Variants in RFC3 observed in about 807,000 individuals in gnomAD.
RFC3 encodes replication factor C subunit 3.
Under a neutral mutation model 45.1 loss-of-function variants are expected in RFC3, and 41 were observed. That is an observed-to-expected ratio of 0.91 (90% CI 0.71 to 1.18). The LOEUF is 1.18. Ranked by LOEUF, RFC3 falls within the 50% of genes most tolerant of loss-of-function variation. RFC3 has a pLI of 0.00. For missense variants in RFC3, 423 were observed against 428.1 expected (o/e 0.99, Z 0.10); for synonymous variants, 149 against 144.0 (o/e 1.03, Z -0.25).
chr13:33,858,615 C>T (rs1419363987), intron 8 of RFC3, among the ~76,000 whole-genome samples: 1 of 152,180 alleles, frequency 6.6e-6, no homozygotes, highest in Non-Finnish European at 1.5e-5. Flanking sequence ...ACCTGATACA[C>T]TTTTACTTAT....
intron 4 of RFC3, among the ~76,000 whole-genome samples, chr13:33,829,078 C>CTGTT: frequency 6.6e-6 from 1 of 152,170 alleles, no homozygotes; most frequent in Middle Eastern, 3.4e-3. Flanking sequence ...TTTAGTTGTT[C>CTGTT]TGTTTATTTT....
intron 8 of RFC3, chr13:33,848,578 T>A (rs1490067150): frequency 1.3e-5 from 2 of 152,208 alleles, no homozygotes; most frequent in Non-Finnish European, 1.5e-5. Flanking sequence ...TGTAAACCTT[T>A]AGCATGTAAG....
At chr13:33,968,900 G>A (rs1309986381), downstream of RFC3, among the ~76,000 whole-genome samples, 1 of 152,204 alleles carries the variant, frequency 6.6e-6, no homozygotes, top group African/African-American at 2.4e-5. Flanking sequence ...ATGGCAGCTT[G>A]TTCACAGGAG....
At chr13:33,830,220 C>T (rs2082089444) in intron 5 of RFC3, among the ~76,000 whole-genome samples, 2 of 152,066 alleles carry the variant, frequency 1.3e-5, no homozygotes, top group Non-Finnish European at 2.9e-5. Context: ...CCCTTTAAAC[C>T]ATCTTTACTT....
Position 33,915,290 on chromosome 13 carries a change from A to G in RFC3, c.880-50797A>G, listed in dbSNP as rs1462392411. On this transcript the variant is annotated intron_variant, in intron 8 of 8. Transcript: ENST00000434425. ...TGCCAACAGAGAATTCAGGAGATAA[A>G]ATGAAGAGGTTTGTAAATGCCAGTA... Among the ~76,000 whole-genome samples the G allele has an allele frequency of 9.9e-5, 15 of 152,232 alleles. No homozygotes were observed. The South Asian group carries it at 1.7e-3, about 17-fold the overall frequency.
chr13:33,937,700 T>C (rs1321422061), intron 8 of RFC3, among the ~76,000 whole-genome samples: 1 of 152,196 alleles, frequency 6.6e-6, no homozygotes, highest in Non-Finnish European at 1.5e-5. Context: ...TGAAAAGGTG[T>C]AGCCGGACTC....
intron 8 of RFC3, among the ~76,000 whole-genome samples, chr13:33,909,760 G>C (rs12430961): frequency 0.011 from 1,616 of 152,190 alleles, 78 homozygotes; most frequent in Admixed American, 0.079. Context: ...GAGTGTACCT[G>C]AGGACTTGGT....
chr13:33,976,320 G>A, the RFC3 span, among the ~76,000 whole-genome samples: 1 of 152,102 alleles, frequency 6.6e-6, no homozygotes, highest in Non-Finnish European at 1.5e-5. Context: ...AGTGAAATAA[G>A]CCAGGTACAA....
chr13:33,962,839 T>G (rs1486884181), intron 8 of RFC3, among the ~76,000 whole-genome samples: 1 of 152,050 alleles, frequency 6.6e-6, no homozygotes, highest in Non-Finnish European at 1.5e-5. Context: ...TAGTGGCACT[T>G]TTACTGTTTT....
intron 8 of RFC3, among the ~76,000 whole-genome samples, chr13:33,853,493 A>G (rs763993872): frequency 6.6e-6 from 1 of 152,186 alleles, no homozygotes; most frequent in Non-Finnish European, 1.5e-5. Flanking sequence ...TGCTCAAGAA[A>G]AGAAAAAACT....
At chr13:33,926,427 T>C (rs182115599) in intron 8 of RFC3, among the ~76,000 whole-genome samples, 17 of 152,084 alleles carry the variant, frequency 1.1e-4, no homozygotes, top group Admixed American at 1.1e-3. Flanking sequence ...TCGGTTGTAA[T>C]TGGAAATCCA....
At chr13:33,933,587 C>A (rs1475940265) in intron 8 of RFC3, among the ~76,000 whole-genome samples, 1 of 151,850 alleles carries the variant, frequency 6.6e-6, no homozygotes, top group Non-Finnish European at 1.5e-5. Context: ...GATAATAAAT[C>A]GAGATGATAA....
intron 8 of RFC3, among the ~76,000 whole-genome samples, chr13:33,917,203 C>G (rs2082738739): frequency 1.3e-5 from 2 of 152,132 alleles, no homozygotes; most frequent in African/African-American, 4.8e-5. Flanking sequence ...CCTGCCAGCC[C>G]CCTCATTTCA....
chr13:33,948,617 A>C (rs1436979030), intron 8 of RFC3, among the ~76,000 whole-genome samples: 1 of 152,208 alleles, frequency 6.6e-6, no homozygotes, highest in Non-Finnish European at 1.5e-5. Context: ...CAGTCTGTGA[A>C]TTCAGCCAGG....
chr13:33,961,774 T>C (rs2083058620), intron 8 of RFC3, among the ~76,000 whole-genome samples: 1 of 152,186 alleles, frequency 6.6e-6, no homozygotes, highest in African/African-American at 2.4e-5. Context: ...TATCAGTAAC[T>C]GAGAACATAG....
At chr13:33,862,277 G>A (rs918977747) in intron 8 of RFC3, among the ~76,000 whole-genome samples, 7 of 78,098 alleles carry the variant, frequency 9.0e-5, no homozygotes, top group African/African-American at 3.2e-4. Context: ...TTTTTTGTCT[G>A]ACACTTTATT....
chr13:33,951,540 C>CT (rs933690302), intron 8 of RFC3, among the ~76,000 whole-genome samples: 23 of 148,202 alleles, frequency 1.6e-4, no homozygotes, highest in East Asian at 3.9e-4. Context: ...CTGTAAATAA[C>CT]TTTTTTTTTT....
chr13:33,950,744 A>G (rs550312457), intron 8 of RFC3, among the ~76,000 whole-genome samples: 1 of 151,940 alleles, frequency 6.6e-6, no homozygotes, highest in South Asian at 2.1e-4. Flanking sequence ...AACAGAGCCA[A>G]TGTATTCTCT....
intron 8 of RFC3, among the ~76,000 whole-genome samples, chr13:33,962,453 T>A (rs1344019993): frequency 2.0e-5 from 3 of 152,194 alleles, no homozygotes; most frequent in African/African-American, 4.8e-5. Context: ...TAATGAATGT[T>A]TACTAATGGA....
Sources: gnomAD v4.1 joint callset for allele counts (sites outside exome capture counted in the v4.1 genomes callset) on GRCh38, gnomAD v4.1.1 for gene constraint, MANE v1.5 for transcripts, NCBI Gene and HGNC (gene_info 2026-07-23, HGNC 2026-07-21) for gene names.